The following CROCC2 variants were observed in gnomAD, a reference collection of about 807,000 sequenced individuals.
CROCC2 encodes the protein ciliary rootlet coiled-coil protein 2.
In CROCC2, 163 loss-of-function variants were observed where a neutral mutation model predicts 177.6. The observed-to-expected ratio is 0.92, with a 90% confidence interval of 0.81 to 1.05. CROCC2 has a LOEUF of 1.05. CROCC2 is among the 50% of genes least tolerant of loss of function. CROCC2 has a pLI of 0.00. For missense variants in CROCC2, 1,929 were observed against 1,797.8 expected (o/e 1.07, Z -1.32); for synonymous variants, 904 against 787.3 (o/e 1.15, Z -2.48).
chr2:240,914,717 G>T (rs572929549), intron 1 of CROCC2, among the ~76,000 whole-genome samples: 1 of 152,212 alleles, frequency 6.6e-6, no homozygotes, highest in Non-Finnish European at 1.5e-5. Flanking sequence ...GGTGGGCGGG[G>T]GTCCCGATGG....
chr2:240,930,982 C>A lies in CROCC2; in HGVS notation c.801C>A (p.His267Gln). Residue 267 changes from histidine to glutamine, a missense_variant, in exon 7 of 32, where the codon CAC (histidine) becomes CAA (glutamine). Transcript: ENST00000690015. ...ADTARTARRL[H>Q]TACLNLDSNL... ...CGGCCAGGACAGCCCGCCGCCTGCA[C>A]ACCGCCTGCCTGAACCTCGACTCCA... 6 of 715,786 alleles carry A rather than the reference C, an allele frequency of 8.4e-6. No individual in the cohort carries two copies. Among genetic ancestry groups the A allele is most frequent in the Non-Finnish European group, 1.6e-5 (6 of 384,772 alleles). The allele number at this position is 715,786 out of a possible 1,614,324, so 44.3% of individuals were successfully genotyped here.
At chr2:240,966,709 G>A (rs930178163) in intron 25 of CROCC2, among the ~76,000 whole-genome samples, 8 of 152,236 alleles carry the variant, frequency 5.3e-5, no homozygotes, top group South Asian at 2.1e-4. Flanking sequence ...AAGAGCTGCC[G>A]GGGCTGGGCA....
Position 240,949,231 on chromosome 2 carries a change from T to C in CROCC2, c.2482+134T>C. The C allele has an allele frequency of 1.4e-6, 2 of 1,430,788 alleles. No individual in the cohort carries two copies. Among genetic ancestry groups the C allele is most frequent in the Non-Finnish European group, 1.8e-6 (2 of 1,095,082 alleles). The allele number at this position is 1,430,788 out of a possible 1,614,324, so 88.6% of individuals were successfully genotyped here. On this transcript the variant is annotated intron_variant, in intron 16 of 31. Coordinates refer to ENST00000690015, the MANE Select transcript of CROCC2 (RefSeq NM_001351305.2). The surrounding 1 kb of genome is among the most constrained non-coding windows in gnomAD (Gnocchi z 4.5). Reference sequence around the variant, plus strand: ...AGGGGCATGAACATGAGCTTGGAGCTCATGCGACTGAGCGACTTGGGCCAC... The same window carrying C: ...AGGGGCATGAACATGAGCTTGGAGCCCATGCGACTGAGCGACTTGGGCCAC...
chr2:240,912,913 G>A (rs981462180), intron 1 of CROCC2, among the ~76,000 whole-genome samples: 3 of 152,152 alleles, frequency 2.0e-5, no homozygotes, highest in African/African-American at 7.2e-5. Flanking sequence ...TCCCCACCAC[G>A]GGACAGGAGC....
intron 7 of CROCC2, among the ~76,000 whole-genome samples, chr2:240,931,608 G>A (rs950642136): frequency 1.4e-4 from 21 of 152,346 alleles, no homozygotes; most frequent in African/African-American, 5.0e-4. Flanking sequence ...CACATCGGGG[G>A]CTCAGAGGTC....
intron 27 of CROCC2, among the ~76,000 whole-genome samples, chr2:240,969,586 G>A (rs781086215): frequency 3.9e-5 from 6 of 152,218 alleles, no homozygotes; most frequent in Non-Finnish European, 7.3e-5. Context: ...CCCAGGAGAT[G>A]GGGGCACCTG....
At chr2:240,988,095 A>G (rs2059852230) in intron 28 of CROCC2, among the ~76,000 whole-genome samples, 1 of 151,752 alleles carries the variant, frequency 6.6e-6, no homozygotes, top group Admixed American at 6.7e-5. Flanking sequence ...ACTTTCCCAT[A>G]GAAAATGTCT....
chr2:240,960,879 C>A lies in CROCC2; in HGVS notation c.3087+1435C>A, dbSNP rs922844078. On this transcript the variant is annotated intron_variant, in intron 20 of 31. Transcript: ENST00000690015. This position sits in a 1 kb window ranked among gnomAD's most constrained non-coding sequence, Gnocchi z 5.0. ...AAGTCAGGCCCGGTCAGCGACCACA[C>A]GGGGAAGCAAAACGAGATTGCAAAA... Among the ~76,000 whole-genome samples, 35 of 120,532 alleles carry A rather than the reference C, an allele frequency of 2.9e-4. No homozygotes were observed. The highest frequency in any genetic ancestry group is 1.1e-3 in the African/African-American group (33 of 31,358). The allele number at this position is 120,532 out of a possible 152,430, so 79.1% of individuals were successfully genotyped here. A position where few individuals can be genotyped will look rare whatever the true frequency, so the allele number is the denominator to read the frequency against.
At position 240,958,880 on chromosome 2, in the gene CROCC2, C is replaced by T. The variant is rs959930167; in HGVS notation, c.2944-421C>T. ...CCTGGGGCCTCCTGGCCCGAGGATC[C>T]CTGCTGGCCACACTGCCCCAAGGCC... On this transcript the variant is annotated intron_variant, in intron 19 of 31. Coordinates refer to ENST00000690015, the MANE Select transcript of CROCC2 (RefSeq NM_001351305.2). The surrounding 1 kb of genome is among the most constrained non-coding windows in gnomAD (Gnocchi z 6.7). Among the ~76,000 whole-genome samples the T allele has an allele frequency of 6.6e-6, 1 of 152,148 alleles. No individual in the cohort carries two copies. Among genetic ancestry groups the T allele is most frequent in the Non-Finnish European group, 1.5e-5 (1 of 68,016 alleles).
rs778441511 is a variant in CROCC2, at chr2:240,949,130, C to T, written c.2482+33C>T. 3.5e-4 allele frequency: 528 copies of T among 1,493,728 alleles called. No individual in the cohort carries two copies. The highest frequency in any genetic ancestry group is 3.9e-4 in the Non-Finnish European group (438 of 1,123,348). 92.5% of individuals were successfully genotyped at this position (1,493,728 alleles called of 1,614,324 possible). On this transcript the variant is annotated intron_variant, in intron 16 of 31. Coordinates refer to ENST00000690015, the MANE Select transcript of CROCC2 (RefSeq NM_001351305.2). This position sits in a 1 kb window ranked among gnomAD's most constrained non-coding sequence, Gnocchi z 4.5. The stretch of plus-strand genomic sequence containing the variant: ...AAGGGCGCTCCCTCAGCTCCTTCCC[C>T]GAAAGTCAGCCATGGAGGGGCCCCT...
intron 28 of CROCC2, among the ~76,000 whole-genome samples, chr2:240,984,000 A>G (rs2059819627): frequency 2.0e-5 from 3 of 152,158 alleles, no homozygotes; most frequent in Admixed American, 2.0e-4. Context: ...CTCAACGCTC[A>G]CAAGGATAGT....
At position 240,968,092 on chromosome 2, in the gene CROCC2, C is replaced by T. The variant is rs2059695857; in HGVS notation, c.4268-37C>T. The T allele has an allele frequency of 3.2e-5, 45 of 1,402,858 alleles. 1 individual carries two copies. The highest frequency in any genetic ancestry group is 4.1e-5 in the Non-Finnish European group (44 of 1,079,492). 86.9% of individuals were successfully genotyped at this position (1,402,858 alleles called of 1,614,324 possible). A position where few individuals can be genotyped will look rare whatever the true frequency, so the allele number is the denominator to read the frequency against. On this transcript the variant is annotated intron_variant, in intron 26 of 31. Coordinates refer to ENST00000690015, the MANE Select transcript of CROCC2 (RefSeq NM_001351305.2). ...TTGCCTGCCTGTGACCTGGGAGGGG[C>T]ATGGGGGCCCCTCAAGCCACCCTGC...
At chr2:240,938,957 T>C (rs2059483337) in intron 14 of CROCC2, among the ~76,000 whole-genome samples, 1 of 152,196 alleles carries the variant, frequency 6.6e-6, no homozygotes, top group Non-Finnish European at 1.5e-5. Context: ...TATTCATCTG[T>C]AACAATAGTT....
At chr2:240,954,776 G>A (rs1006617277) in intron 18 of CROCC2, 8 of 152,172 alleles carry the variant, frequency 5.3e-5, no homozygotes, top group African/African-American at 1.9e-4. Context: ...TCAGCAGACA[G>A]TCCCCATCCT....
rs1446525321 is a variant in CROCC2 at position 240,917,112 on chromosome 2, A to G, written c.79-1614A>G. 1.3e-5 allele frequency among the ~76,000 whole-genome samples: 2 copies of G among 152,130 alleles called. No individual in the cohort carries two copies. Among genetic ancestry groups the G allele is most frequent in the African/African-American group, 4.8e-5 (2 of 41,450 alleles). ...GTGAAGGCGCCTCCCAAGACCTCCC[A>G]GGGGACTGAGAGACAGACCCTGGTG... On this transcript the variant is annotated intron_variant, in intron 1 of 31. Coordinates refer to ENST00000690015, the MANE Select transcript of CROCC2 (RefSeq NM_001351305.2). The surrounding 1 kb of genome is among the most constrained non-coding windows in gnomAD (Gnocchi z 4.9).
Position 240,953,275 on chromosome 2 carries a change from TGTG to T in CROCC2, c.2830-2576_2830-2574del, listed in dbSNP as rs2059568490. On this transcript the variant is annotated intron_variant, in intron 18 of 31. Transcript: ENST00000690015. The surrounding 1 kb of genome is among the most constrained non-coding windows in gnomAD (Gnocchi z 4.0). ...AAAAAAAATACAAAAATTAGCTGGG[TGTG>T]GTGGTGGGTGCCTGTAATCCCCGCT... is the stretch of plus-strand genomic sequence containing the variant. Among the ~76,000 whole-genome samples, 1 of 150,620 alleles carries T rather than the reference TGTG, an allele frequency of 6.6e-6. No individual in the cohort carries two copies. Among genetic ancestry groups the T allele is most frequent in the South Asian group, 2.1e-4 (1 of 4,778 alleles).
At chr2:240,957,911 C>A in intron 19 of CROCC2, 1 of 941,190 alleles carries the variant, frequency 1.1e-6, no homozygotes, top group Non-Finnish European at 1.3e-6. Flanking sequence ...GGCAGGGACC[C>A]AGGAAAGCCC....
Position 240,955,940 on chromosome 2 carries a change from C to T in CROCC2, c.2911C>T (p.Gln971Ter). The T allele has an allele frequency of 6.5e-7, 1 of 1,534,740 alleles. No homozygotes were observed. The change falls in exon 19 of 32, where the codon CAG (glutamine) becomes TAG (stop). Residue 971 changes from glutamine (Q) to a stop codon, truncating the protein, a stop_gained. Coordinates refer to ENST00000690015, the MANE Select transcript of CROCC2 (RefSeq NM_001351305.2). LOFTEE classifies it high-confidence loss of function. ...CAGGAGGACGCTAGAGCGGGTACAGCAGGAGGCACAGAGCCAGCAGGAGCA... is the reference window on the plus strand; with the variant it reads ...CAGGAGGACGCTAGAGCGGGTACAGTAGGAGGCACAGAGCCAGCAGGAGCA... ...RARRTLERVQ[Q>*]EAQSQQEQAQ...
chr2:240,913,358 G>A (rs575579188), intron 1 of CROCC2, among the ~76,000 whole-genome samples: 4 of 152,284 alleles, frequency 2.6e-5, no homozygotes, highest in African/African-American at 4.8e-5. Context: ...GGAAGCCTGC[G>A]TGGGCGCCAG....
Sources: allele counts gnomAD v4.1 joint callset (sites outside exome capture counted in the v4.1 genomes callset), GRCh38; gene constraint gnomAD v4.1.1; non-coding constraint Gnocchi (gnomAD v3.1); transcripts MANE v1.5; gene names NCBI Gene and HGNC (gene_info 2026-07-23, HGNC 2026-07-21).